Variants in MACROD2 observed in about 807,000 individuals in gnomAD.
The protein encoded by MACROD2 is ADP-ribose glycohydrolase MACROD2.
A neutral mutation model predicts 70.4 loss-of-function variants in MACROD2; 36 were observed. The observed-to-expected ratio is 0.51, with a 90% CI of 0.39 to 0.68. MACROD2 has a LOEUF of 0.68. MACROD2 is among the 30% of genes least tolerant of loss of function. The pLI, the probability that MACROD2 is intolerant of heterozygous loss-of-function variation, is 0.00. For missense variants in MACROD2, 496 were observed against 538.4 expected (o/e 0.92, Z 0.78); for synonymous variants, 172 against 178.8 (o/e 0.96, Z 0.30).
At chr20:15,684,042 C>A (rs1226339556) in intron 8 of MACROD2, among the ~76,000 whole-genome samples, 1 of 152,142 alleles carries the variant, frequency 6.6e-6, no homozygotes, top group Non-Finnish European at 1.5e-5. Flanking sequence ...AATTTGATGA[C>A]CTCAGGATTA....
At chr20:14,908,014 A>G (rs1194824331) in intron 5 of MACROD2, among the ~76,000 whole-genome samples, 1 of 152,172 alleles carries the variant, frequency 6.6e-6, no homozygotes, top group Non-Finnish European at 1.5e-5. Flanking sequence ...ACTATGAGTC[A>G]TTGACAATTA....
At chr20:15,676,505 G>A (rs1360463041) in intron 8 of MACROD2, among the ~76,000 whole-genome samples, 3 of 152,172 alleles carry the variant, frequency 2.0e-5, no homozygotes, top group Admixed American at 1.3e-4. Context: ...GCAAATGCCT[G>A]TGGGACTGAA....
chr20:14,769,458 A>T (rs1037394021), intron 5 of MACROD2, among the ~76,000 whole-genome samples: 2 of 151,992 alleles, frequency 1.3e-5, no homozygotes, highest in East Asian at 1.9e-4. Context: ...TGTGAGGGGG[A>T]TGAATTATTT....
chr20:14,040,912 G>A (rs2053381607), intron 2 of MACROD2, among the ~76,000 whole-genome samples: 1 of 152,198 alleles, frequency 6.6e-6, no homozygotes, highest in African/African-American at 2.4e-5. Flanking sequence ...TCTAATAGCA[G>A]AGATAAGTAT....
chr20:15,682,643 G>A (rs774900840), intron 8 of MACROD2, among the ~76,000 whole-genome samples: 20 of 152,176 alleles, frequency 1.3e-4, no homozygotes, highest in Non-Finnish European at 2.6e-4. Flanking sequence ...TGGCCATGCA[G>A]GTGGAATTTT....
chr20:15,421,037 G>A (rs1336175032), intron 6 of MACROD2, among the ~76,000 whole-genome samples: 1 of 152,122 alleles, frequency 6.6e-6, no homozygotes, highest in Non-Finnish European at 1.5e-5. Flanking sequence ...AGTGAGCTGT[G>A]ATAGTACCAC....
At chr20:14,818,785 G>A (rs572465103) in intron 5 of MACROD2, among the ~76,000 whole-genome samples, 3 of 131,774 alleles carry the variant, frequency 2.3e-5, no homozygotes, top group Non-Finnish European at 4.8e-5. Flanking sequence ...TTTCCAAATA[G>A]TATTACTGTT....
intron 4 of MACROD2, among the ~76,000 whole-genome samples, chr20:14,581,814 G>A (rs6042797): frequency 0.046 from 6,980 of 152,132 alleles, 422 homozygotes; most frequent in African/African-American, 0.13. Context: ...TTTCTTCCTC[G>A]GAGGTGTGTT....
chr20:15,707,449 C>T (rs560457969), intron 8 of MACROD2, among the ~76,000 whole-genome samples: 1 of 152,102 alleles, frequency 6.6e-6, no homozygotes, highest in South Asian at 2.1e-4. Context: ...ACTGTCCATG[C>T]CCCCAGCTTC....
intron 8 of MACROD2, among the ~76,000 whole-genome samples, chr20:15,585,629 A>T (rs2048588869): frequency 6.6e-6 from 1 of 152,156 alleles, no homozygotes; most frequent in Non-Finnish European, 1.5e-5. Context: ...TCCCCCAGGG[A>T]TGGGATCATT....
chr20:14,014,462 A>G (rs1419429540), intron 2 of MACROD2, among the ~76,000 whole-genome samples: 2 of 152,218 alleles, frequency 1.3e-5, no homozygotes, highest in African/African-American at 4.8e-5. Flanking sequence ...AGGATTGCCG[A>G]TGAAATAAGT....
At chr20:14,347,125 G>T (rs2083072150) in intron 3 of MACROD2, among the ~76,000 whole-genome samples, 1 of 152,198 alleles carries the variant, frequency 6.6e-6, no homozygotes, top group South Asian at 2.1e-4. Flanking sequence ...TAGAGGAAAA[G>T]TTTTTGAAGA....
At chr20:14,161,132 G>A (rs1601295588) in intron 3 of MACROD2, among the ~76,000 whole-genome samples, 1 of 151,462 alleles carries the variant, frequency 6.6e-6, no homozygotes, top group African/African-American at 2.4e-5. Flanking sequence ...TGGGATAATG[G>A]CCTTAAGTTC....
chr20:14,942,688 A>G (rs1187222962), intron 5 of MACROD2, among the ~76,000 whole-genome samples: 1 of 152,220 alleles, frequency 6.6e-6, no homozygotes, highest in Non-Finnish European at 1.5e-5. Flanking sequence ...AAGCCCCTGA[A>G]CATGATTTTT....
chr20:15,455,350 C>G (rs533620446), intron 7 of MACROD2, among the ~76,000 whole-genome samples: 10 of 152,274 alleles, frequency 6.6e-5, no homozygotes, highest in African/African-American at 2.2e-4. Context: ...TTAGTGGCAG[C>G]TTATCCGGTT....
chr20:15,003,699 C>G (rs2075013421), intron 5 of MACROD2, among the ~76,000 whole-genome samples: 1 of 152,092 alleles, frequency 6.6e-6, no homozygotes, highest in African/African-American at 2.4e-5. Context: ...AGGCCTTGCC[C>G]CCAAACTCAA....
intron 17 of MACROD2, among the ~76,000 whole-genome samples, chr20:16,049,472 T>C (rs906945521): frequency 1.3e-5 from 2 of 152,184 alleles, no homozygotes; most frequent in Non-Finnish European, 2.9e-5. Context: ...TTATTATTTA[T>C]ATGCTGATCC....
At chr20:14,340,185 G>T (rs778399726) in intron 3 of MACROD2, among the ~76,000 whole-genome samples, 1 of 152,162 alleles carries the variant, frequency 6.6e-6, no homozygotes, top group Non-Finnish European at 1.5e-5. Flanking sequence ...AAGGGAGGAG[G>T]TGGATTCTCA....
intron 5 of MACROD2, among the ~76,000 whole-genome samples, chr20:14,957,613 C>G (rs2122757195): frequency 6.6e-6 from 1 of 152,174 alleles, no homozygotes; most frequent in South Asian, 2.1e-4. Flanking sequence ...CTGGGCTCAG[C>G]AGGGAGGAGT....
Sources: gnomAD v4.1 joint callset for allele counts (sites outside exome capture counted in the v4.1 genomes callset) on GRCh38, gnomAD v4.1.1 for gene constraint, MANE v1.5 for transcripts, NCBI Gene and HGNC (gene_info 2026-07-23, HGNC 2026-07-21) for gene names.